Variants in TAFA2 observed in about 807,000 individuals in gnomAD.
The protein encoded by TAFA2 is chemokine-like protein TAFA-2.
Under a neutral mutation model 18.8 loss-of-function variants are expected in TAFA2, and 7 were observed. The observed-to-expected ratio is 0.37, with a 90% confidence interval of 0.21 to 0.70. TAFA2 has a LOEUF of 0.70. TAFA2 is among the 30% of genes least tolerant of loss of function. The probability of loss-of-function intolerance (pLI) is 0.53; values close to 1 mark genes in which losing one functional copy is unlikely to be tolerated. For synonymous variants in TAFA2, 60 were observed against 54.2 expected, an observed-to-expected ratio of 1.11 and a Z score of -0.47; for missense variants, 122 against 158.1, an observed-to-expected ratio of 0.77 and a Z score of 1.23.
intron 2 of TAFA2, among the ~76,000 whole-genome samples, chr12:61,863,893 G>A (rs1444605185): frequency 4.6e-5 from 7 of 152,102 alleles, no homozygotes; most frequent in Admixed American, 1.3e-4. Flanking sequence ...AAGGGTAGAC[G>A]AGGCCATCTA....
rs565723256 is a variant in TAFA2, at chr12:61,786,080, T to A, written c.107-31056A>T. Among the ~76,000 whole-genome samples the A allele has an allele frequency of 3.4e-3, 520 of 151,622 alleles. 3 individuals carry two copies. The highest frequency in any genetic ancestry group is 0.012 in the African/African-American group (488 of 41,454). On this transcript the variant is annotated intron_variant, in intron 2 of 4. Transcript: ENST00000416284. ...CAGAGTACTAATCAGCATTTGCTTA[T>A]GAGGAAACTATCCAATCAAAGGGAA... is the stretch of plus-strand genomic sequence containing the variant.
chr12:62,020,605 T>A (rs1025981823), intron 1 of TAFA2, among the ~76,000 whole-genome samples: 2 of 152,200 alleles, frequency 1.3e-5, no homozygotes, highest in Admixed American at 1.3e-4. Flanking sequence ...GTGAAAATTA[T>A]CTACCTACAA....
intron 1 of TAFA2, among the ~76,000 whole-genome samples, chr12:61,925,690 A>G (rs142601904): frequency 1.3e-5 from 2 of 152,346 alleles, no homozygotes; most frequent in East Asian, 1.9e-4. Context: ...TCTCTGTGAC[A>G]CAGCTAAAGT....
intron 4 of TAFA2, among the ~76,000 whole-genome samples, chr12:61,728,032 G>GTTTTT (rs71083954): frequency 7.8e-6 from 1 of 128,476 alleles, no homozygotes; most frequent in East Asian, 2.3e-4. Context: ...TTTGAGGGTT[G>GTTTTT]TTTTTTTTTT....
intron 1 of TAFA2, among the ~76,000 whole-genome samples, chr12:62,050,011 C>T (rs868169471): frequency 1.3e-5 from 2 of 152,156 alleles, no homozygotes; most frequent in African/African-American, 2.4e-5. Context: ...GATTCACAAG[C>T]GTAAATCCAG....
At chr12:61,892,494 T>A (rs1314758659) in intron 1 of TAFA2, among the ~76,000 whole-genome samples, 1 of 152,204 alleles carries the variant, frequency 6.6e-6, no homozygotes, top group African/African-American at 2.4e-5. Flanking sequence ...CAGTGAACAA[T>A]GATTTAATAT....
chr12:61,771,168 G>A (rs572275344), intron 2 of TAFA2, among the ~76,000 whole-genome samples: 1 of 152,008 alleles, frequency 6.6e-6, no homozygotes, highest in African/African-American at 2.4e-5. Flanking sequence ...CATATAATGA[G>A]AAAAAAGACT....
In TAFA2 at chr12:61,986,289, G is replaced by A. The variant is rs186605800; in HGVS notation, c.-1-118863C>T. 3.1e-3 allele frequency among the ~76,000 whole-genome samples: 455 copies of A among 146,450 alleles called. 1 individual carries two copies. Among genetic ancestry groups the A allele is most frequent in the Non-Finnish European group, 4.9e-3 (328 of 67,256 alleles). ...AAGTGATTCTCCTGCTTCAGCCTCCGAGTAGCTGGGATTACAGGCATGCAC... is the reference window on the plus strand; with the variant it reads ...AAGTGATTCTCCTGCTTCAGCCTCCAAGTAGCTGGGATTACAGGCATGCAC... On this transcript the variant is annotated intron_variant, in intron 1 of 4. Transcript: ENST00000416284.
At chr12:61,933,452 C>T (rs1411610755) in intron 1 of TAFA2, among the ~76,000 whole-genome samples, 1 of 152,148 alleles carries the variant, frequency 6.6e-6, no homozygotes, top group Non-Finnish European at 1.5e-5. Flanking sequence ...TCTCTCACAC[C>T]TGTATTCCCA....
chr12:62,087,907 T>A (rs2136829031), intron 1 of TAFA2, among the ~76,000 whole-genome samples: 1 of 152,188 alleles, frequency 6.6e-6, no homozygotes, highest in Non-Finnish European at 1.5e-5. Flanking sequence ...GTTTTGAAGG[T>A]AAAGCCAACA....
At chr12:62,128,096 G>A (rs112759851) in intron 1 of TAFA2, among the ~76,000 whole-genome samples, 14 of 151,950 alleles carry the variant, frequency 9.2e-5, no homozygotes, top group Non-Finnish European at 2.1e-4. Context: ...GACATGTTGC[G>A]ATTAAGGTGC....
chr12:61,852,068 G>A (rs886219987), intron 2 of TAFA2, among the ~76,000 whole-genome samples: 4 of 151,858 alleles, frequency 2.6e-5, no homozygotes, highest in Admixed American at 1.3e-4. Context: ...TTAGCCTGGC[G>A]TTGTGGCAAG....
intron 4 of TAFA2, chr12:61,720,898 C>A (rs772416263): frequency 2.3e-5 from 12 of 517,464 alleles, no homozygotes; most frequent in South Asian, 1.5e-4. Flanking sequence ...CTTCTCCATT[C>A]GAACTTGAAG....
At chr12:62,151,774 G>T (rs1010389300) in intron 1 of TAFA2, among the ~76,000 whole-genome samples, 2 of 152,132 alleles carry the variant, frequency 1.3e-5, no homozygotes, top group Admixed American at 1.3e-4. Context: ...GTCCAACAGG[G>T]CTTCTAAGCC....
At chr12:62,064,911 C>A (rs1005244371) in intron 1 of TAFA2, among the ~76,000 whole-genome samples, 1 of 151,944 alleles carries the variant, frequency 6.6e-6, no homozygotes, top group Admixed American at 6.6e-5. Context: ...TGAATTTGTA[C>A]CATTTTATAA....
intron 1 of TAFA2, among the ~76,000 whole-genome samples, chr12:62,019,724 A>G (rs1005921304): frequency 1.3e-5 from 2 of 151,780 alleles, no homozygotes; most frequent in African/African-American, 4.8e-5. Flanking sequence ...ATGTTAAATG[A>G]CGAGTTAATG....
intron 1 of TAFA2, among the ~76,000 whole-genome samples, chr12:61,923,865 C>A (rs762030611): frequency 6.6e-6 from 1 of 151,744 alleles, no homozygotes; most frequent in Non-Finnish European, 1.5e-5. Flanking sequence ...GAACTGCTAA[C>A]TAGAATAAGC....
At chr12:62,074,032 G>T (rs1009209198) in intron 1 of TAFA2, among the ~76,000 whole-genome samples, 1 of 152,208 alleles carries the variant, frequency 6.6e-6, no homozygotes, top group Non-Finnish European at 1.5e-5. Flanking sequence ...CTTGCTTCCA[G>T]TTTGTTGACT....
At chr12:61,994,252 C>T (rs954235030) in intron 1 of TAFA2, among the ~76,000 whole-genome samples, 1 of 152,140 alleles carries the variant, frequency 6.6e-6, no homozygotes, top group Non-Finnish European at 1.5e-5. Flanking sequence ...ACCATCATAA[C>T]TTCATGCAGA....
Sources: allele counts gnomAD v4.1 joint callset (sites outside exome capture counted in the v4.1 genomes callset), GRCh38; gene constraint gnomAD v4.1.1; transcripts MANE v1.5; gene names NCBI Gene and HGNC (gene_info 2026-07-23, HGNC 2026-07-21).